Variants in GPC5 observed in about 807,000 individuals in gnomAD.
GPC5 encodes glypican 5.
In GPC5, 47 loss-of-function variants were observed where a neutral mutation model predicts 53.9. The observed-to-expected ratio is 0.87, with a 90% CI of 0.69 to 1.11. The LOEUF (loss-of-function observed/expected upper bound fraction) is 1.11. Ranked by LOEUF, GPC5 falls within the 50% of genes most tolerant of loss-of-function variation. GPC5 has a pLI of 0.00. For missense variants in GPC5, 748 were observed against 713.1 expected (o/e 1.05, Z -0.56); for synonymous variants, 286 against 263.3 (o/e 1.09, Z -0.84).
intron 3 of GPC5, among the ~76,000 whole-genome samples, chr13:91,709,687 T>G (rs9556111): frequency 0.074 from 11,229 of 152,348 alleles, 489 homozygotes; most frequent in East Asian, 0.24. Flanking sequence ...ATTATTTATT[T>G]TCTATATTTT....
intron 6 of GPC5, among the ~76,000 whole-genome samples, chr13:91,908,370 A>G (rs1274988447): frequency 2.6e-5 from 4 of 152,136 alleles, no homozygotes; most frequent in South Asian, 2.1e-4. Flanking sequence ...CACTGTGACC[A>G]TTAAAGAAAA....
In GPC5 at chr13:92,804,657, G is replaced by A. The variant is rs190434206; in HGVS notation, c.1562-61625G>A. On this transcript the variant is annotated intron_variant, in intron 7 of 7. Coordinates refer to ENST00000377067, the MANE Select transcript of GPC5 (RefSeq NM_004466.6). ...GAAGTTGCTGAAGGTTGGATTGGCT[G>A]TGGCAATTTCTTAAAATGAGACAAC... 2.2e-4 allele frequency among the ~76,000 whole-genome samples: 33 copies of A among 152,136 alleles called. No individual in the cohort carries two copies. In the East Asian group the frequency reaches 4.5e-3, roughly 21 times the overall value.
At chr13:92,065,687 T>C (rs1050474402) in intron 6 of GPC5, among the ~76,000 whole-genome samples, 2 of 152,138 alleles carry the variant, frequency 1.3e-5, no homozygotes, top group African/African-American at 4.8e-5. Context: ...GAAAAATCAT[T>C]TAAGCAAAAA....
intron 2 of GPC5, among the ~76,000 whole-genome samples, chr13:91,647,190 G>C (rs1036536852): frequency 6.7e-5 from 10 of 149,724 alleles, no homozygotes; most frequent in Non-Finnish European, 1.3e-4. Context: ...TATACATGTG[G>C]CAAACATTAA....
At chr13:92,745,919 C>T (rs925351529) in intron 7 of GPC5, among the ~76,000 whole-genome samples, 1 of 151,856 alleles carries the variant, frequency 6.6e-6, no homozygotes, top group Non-Finnish European at 1.5e-5. Flanking sequence ...ATTCTTTTTC[C>T]TTTTTATGGA....
chr13:91,957,763 A>G (rs2040087319), intron 6 of GPC5, among the ~76,000 whole-genome samples: 1 of 152,082 alleles, frequency 6.6e-6, no homozygotes, highest in African/African-American at 2.4e-5. Flanking sequence ...ATTTTTCACC[A>G]CTAGACTAGC....
intron 7 of GPC5, among the ~76,000 whole-genome samples, chr13:92,548,122 A>G (rs1364170244): frequency 6.6e-6 from 1 of 151,616 alleles, no homozygotes; most frequent in Non-Finnish European, 1.5e-5. Context: ...TACAGGCGTG[A>G]GCCACTGCGC....
intron 2 of GPC5, among the ~76,000 whole-genome samples, chr13:91,502,311 G>A (rs1884683433): frequency 1.3e-5 from 2 of 152,066 alleles, no homozygotes; most frequent in Admixed American, 1.3e-4. Flanking sequence ...TAGACATGAA[G>A]TCCTTGCTCA....
chr13:91,448,673 T>G, intron 1 of GPC5, 88 bp from the exon 2 acceptor site: 1 of 1,335,448 alleles, frequency 7.5e-7, no homozygotes. Context: ...GTCCTTTGTG[T>G]GCAGGACTGG....
At chr13:91,422,750 A>T in intron 1 of GPC5, among the ~76,000 whole-genome samples, 1 of 152,128 alleles carries the variant, frequency 6.6e-6, no homozygotes, top group East Asian at 1.9e-4. Context: ...GAGTCCTGAG[A>T]TGCTGCAGGT....
rs561918604 is a variant in GPC5 at position 92,112,050 on chromosome 13, A to G, written c.1402-32780A>G. Among the ~76,000 whole-genome samples, 27 of 152,342 alleles carry G rather than the reference A, an allele frequency of 1.8e-4. 1 individual carries two copies. The East Asian group carries it at 5.0e-3, about 28-fold the overall frequency. ...TCCAGGAGAGAAATCAATGAAGGCA[A>G]TAGCCTAAATTTGAATAAGAGGTTT... On this transcript the variant is annotated intron_variant, in intron 6 of 7. Transcript: ENST00000377067.
At chr13:92,735,789 G>A (rs1268534558) in intron 7 of GPC5, among the ~76,000 whole-genome samples, 3 of 151,932 alleles carry the variant, frequency 2.0e-5, no homozygotes, top group Non-Finnish European at 4.4e-5. Context: ...CCATCATCAT[G>A]GACTTATAAA....
At chr13:91,927,685 A>G (rs899084337) in intron 6 of GPC5, among the ~76,000 whole-genome samples, 2 of 152,176 alleles carry the variant, frequency 1.3e-5, no homozygotes, top group African/African-American at 4.8e-5. Context: ...TTTCAAATAT[A>G]ATGCATTATT....
intron 2 of GPC5, among the ~76,000 whole-genome samples, chr13:91,609,932 G>A (rs576507316): frequency 3.3e-5 from 5 of 152,292 alleles, no homozygotes; most frequent in East Asian, 3.9e-4. Context: ...TGGCCAGGGC[G>A]ATTCAAAGAC....
rs12323138 is a variant in GPC5 at position 91,517,949 on chromosome 13, C to G, written c.325+69027C>G. ...CATAATTCAATTACCTCCCCCGGGC[C>G]CCTCCCACAACATGTGGGAATTCTG... is the stretch of plus-strand genomic sequence containing the variant. On this transcript the variant is annotated intron_variant, in intron 2 of 7. Coordinates refer to ENST00000377067, the MANE Select transcript of GPC5 (RefSeq NM_004466.6). Among the ~76,000 whole-genome samples the G allele has an allele frequency of 8.0e-3, 1,211 of 152,230 alleles. 18 individuals are homozygous for G. Among genetic ancestry groups the G allele is most frequent in the African/African-American group, 0.028 (1,176 of 41,538 alleles).
intron 6 of GPC5, among the ~76,000 whole-genome samples, chr13:92,015,706 A>AT (rs2040700742): frequency 6.6e-6 from 1 of 152,132 alleles, no homozygotes; most frequent in Non-Finnish European, 1.5e-5. Flanking sequence ...CATGTGACAG[A>AT]TTTTCAGGTG....
intron 6 of GPC5, among the ~76,000 whole-genome samples, chr13:91,958,040 G>C (rs533082388): frequency 2.0e-5 from 3 of 150,588 alleles, no homozygotes; most frequent in African/African-American, 7.3e-5. Context: ...TAATAACCTT[G>C]AATATAAACA....
chr13:92,305,344 C>T (rs2043103918), intron 7 of GPC5, among the ~76,000 whole-genome samples: 1 of 151,870 alleles, frequency 6.6e-6, no homozygotes, highest in Admixed American at 6.6e-5. Context: ...TATATATAGA[C>T]TCTGAGGAAA....
chr13:92,017,155 G>GT (rs1390185870), intron 6 of GPC5, among the ~76,000 whole-genome samples: 3 of 152,100 alleles, frequency 2.0e-5, no homozygotes, highest in Non-Finnish European at 4.4e-5. Context: ...ATAAAGGTTG[G>GT]TTTTCCACCT....
Sources: gnomAD v4.1 joint callset for allele counts (sites outside exome capture counted in the v4.1 genomes callset) on GRCh38, gnomAD v4.1.1 for gene constraint, MANE v1.5 for transcripts, NCBI Gene and HGNC (gene_info 2026-07-23, HGNC 2026-07-21) for gene names.